Variants in MBD5 observed in about 807,000 individuals in gnomAD.
MBD5 encodes methyl-CpG-binding domain protein 5.
Under a neutral mutation model 117.3 loss-of-function variants are expected in MBD5, and 13 were observed. That is an observed-to-expected ratio of 0.11 (90% CI 0.07 to 0.18). The LOEUF (loss-of-function observed/expected upper bound fraction) is 0.18. Among genes scored for constraint, MBD5 ranks in the 10% least tolerant of loss-of-function variants. MBD5 has a pLI of 1.00. For synonymous variants in MBD5, 727 were observed against 766.4 expected, an observed-to-expected ratio of 0.95 and a Z score of 0.85; for missense variants, 1,879 against 2,093.8, an observed-to-expected ratio of 0.90 and a Z score of 2.00.
chr2:148,056,257 G>A (rs937741145), intron 1 of MBD5: 2 of 151,768 alleles, frequency 1.3e-5, no homozygotes, highest in Non-Finnish European at 2.9e-5. Context: ...TGGATTCTTG[G>A]GTATTTTTAA....
chr2:148,264,722 A>G (rs922343281), intron 3 of MBD5: 2 of 152,212 alleles, frequency 1.3e-5, no homozygotes, highest in Admixed American at 6.5e-5. Context: ...ATGTCATACC[A>G]TAGGAAAATT....
At chr2:148,473,558 G>A (rs145070598) in intron 8 of MBD5, among the ~76,000 whole-genome samples, 5 of 152,096 alleles carry the variant, frequency 3.3e-5, no homozygotes, top group African/African-American at 1.2e-4. Flanking sequence ...ACATTAACAA[G>A]ATAAGAAATA....
intron 4 of MBD5, among the ~76,000 whole-genome samples, chr2:148,411,188 C>T (rs1001543825): frequency 1.3e-5 from 2 of 152,136 alleles, no homozygotes; most frequent in African/African-American, 4.8e-5. Flanking sequence ...ATGACATGCT[C>T]TTGTTCTTTC....
chr2:148,244,076 G>A (rs1254886020), intron 3 of MBD5: 3 of 150,736 alleles, frequency 2.0e-5, no homozygotes, highest in Non-Finnish European at 4.4e-5. Context: ...TGTAATGTGA[G>A]CCTATGTATG....
At chr2:148,057,514 C>CT (rs1193008826) in intron 1 of MBD5, among the ~76,000 whole-genome samples, 1 of 151,068 alleles carries the variant, frequency 6.6e-6, no homozygotes, top group Non-Finnish European at 1.5e-5. Flanking sequence ...GTGAGGATAT[C>CT]TTTTTTTATT....
At chr2:148,294,212 T>G (rs199708670) in intron 3 of MBD5, among the ~76,000 whole-genome samples, 760 of 5,882 alleles carry the variant, frequency 0.13, 29 homozygotes, top group South Asian at 0.18. Flanking sequence ...TTTTTTTTTT[T>G]TTTTTTTTTT....
At chr2:148,110,892 A>T (rs2105349239) in intron 1 of MBD5, among the ~76,000 whole-genome samples, 1 of 151,640 alleles carries the variant, frequency 6.6e-6, no homozygotes, top group South Asian at 2.1e-4. Flanking sequence ...ATTTCTCATG[A>T]ATCTTTCTTG....
chr2:148,326,141 T>C (rs147387828), intron 3 of MBD5, among the ~76,000 whole-genome samples: 85,841 of 151,958 alleles, frequency 0.56, 24,663 homozygotes, highest in Admixed American at 0.68. Context: ...TGTAGGTGAG[T>C]GGTTTTGAGT....
At chr2:148,494,826 G>A (rs949984805) in intron 11 of MBD5, among the ~76,000 whole-genome samples, 10 of 152,272 alleles carry the variant, frequency 6.6e-5, no homozygotes, top group African/African-American at 2.4e-4. Context: ...AGCCGGGGGT[G>A]GTGGCGGGTG....
intron 1 of MBD5, among the ~76,000 whole-genome samples, chr2:148,045,854 T>C (rs777233164): frequency 2.6e-5 from 4 of 152,124 alleles, no homozygotes; most frequent in Non-Finnish European, 5.9e-5. Flanking sequence ...TTTGAAAACT[T>C]CCCCTCTTAA....
intron 4 of MBD5, among the ~76,000 whole-genome samples, chr2:148,399,653 C>T (rs1041759646): frequency 2.6e-5 from 4 of 152,088 alleles, no homozygotes; most frequent in South Asian, 2.1e-4. Flanking sequence ...ATTTCCTTCT[C>T]CTGCCTGATT....
chr2:148,328,262 T>C (rs1702522048), intron 3 of MBD5, among the ~76,000 whole-genome samples: 2 of 152,164 alleles, frequency 1.3e-5, no homozygotes, highest in Non-Finnish European at 1.5e-5. Context: ...GACAGGGACA[T>C]TTAAGTCTGC....
intron 4 of MBD5, among the ~76,000 whole-genome samples, chr2:148,426,629 T>C (rs1705798949): frequency 6.6e-6 from 1 of 152,118 alleles, no homozygotes; most frequent in Admixed American, 6.6e-5. Context: ...ATCCCTTCCT[T>C]ACACCTTATA....
intron 2 of MBD5, among the ~76,000 whole-genome samples, chr2:148,205,221 G>A (rs1699248068): frequency 1.3e-5 from 2 of 151,870 alleles, no homozygotes; most frequent in South Asian, 4.2e-4. Context: ...GGGATTACAG[G>A]CACCCCCCAC....
intron 2 of MBD5, among the ~76,000 whole-genome samples, chr2:148,220,824 A>G (rs921139126): frequency 2.0e-5 from 3 of 152,108 alleles, no homozygotes; most frequent in Admixed American, 2.0e-4. Context: ...ATACAATTAA[A>G]TTACTATCAA....
chr2:148,273,887 C>T (rs1245574416), intron 3 of MBD5, among the ~76,000 whole-genome samples: 5 of 152,160 alleles, frequency 3.3e-5, no homozygotes, highest in African/African-American at 9.7e-5. Context: ...TCCTGTGTCC[C>T]TTATTGATAT....
At chr2:148,384,269 G>A (rs1330920533) in intron 4 of MBD5, among the ~76,000 whole-genome samples, 1 of 152,090 alleles carries the variant, frequency 6.6e-6, no homozygotes, top group Non-Finnish European at 1.5e-5. Context: ...AAAGTCTCAG[G>A]ATACAAAATC....
intron 3 of MBD5, among the ~76,000 whole-genome samples, chr2:148,257,019 C>G (rs1700607975): frequency 6.6e-6 from 1 of 152,232 alleles, no homozygotes; most frequent in Non-Finnish European, 1.5e-5. Context: ...GATGACTGCA[C>G]CCTGCCCTGT....
rs546185547 is a variant in MBD5 at position 148,082,120 on chromosome 2, G to C, written c.-925+60436G>C. 2.0e-5 allele frequency among the ~76,000 whole-genome samples: 3 copies of C among 152,190 alleles called. No homozygotes were observed. In the South Asian group the frequency reaches 6.2e-4, roughly 32 times the overall value. ...TCGCACTTCATATGCAAAACCAGAG[G>C]CATTTCTCATGAATCCTTTAGATTA... On this transcript the variant is annotated intron_variant, in intron 1 of 13. Transcript: ENST00000642680.
Sources: allele counts gnomAD v4.1 joint callset (sites outside exome capture counted in the v4.1 genomes callset), GRCh38; gene constraint gnomAD v4.1.1; transcripts MANE v1.5; gene names NCBI Gene and HGNC (gene_info 2026-07-23, HGNC 2026-07-21).